The following NCKAP1 variants were observed in gnomAD, a reference collection of about 807,000 sequenced individuals.
NCKAP1 encodes the protein nck-associated protein 1.
A neutral mutation model predicts 151.2 loss-of-function variants in NCKAP1; 21 were observed. The observed-to-expected ratio is 0.14, with a 90% CI of 0.10 to 0.20. The LOEUF is 0.20. Among genes scored for constraint, NCKAP1 ranks in the 10% least tolerant of loss-of-function variants. NCKAP1 has a pLI of 1.00. For missense variants in NCKAP1, 933 were observed against 1,352.1 expected (o/e 0.69, Z 4.86); for synonymous variants, 484 against 451.8 (o/e 1.07, Z -0.90).
At chr2:183,028,671 A>G (rs942735738) in intron 1 of NCKAP1, among the ~76,000 whole-genome samples, 2 of 152,318 alleles carry the variant, frequency 1.3e-5, no homozygotes, top group African/African-American at 2.4e-5. Context: ...TAAAATATTT[A>G]AAAGATAAGA....
rs896959959 is a variant in NCKAP1 at position 182,916,813 on chromosome 2, A to G, written c.*8889T>C. The G allele has an allele frequency of 6.6e-6, 1 of 152,232 alleles. No homozygotes were observed. The highest frequency in any genetic ancestry group is 1.5e-5 in the Non-Finnish European group (1 of 68,048). 9.4% of individuals were successfully genotyped at this position (152,232 alleles called of 1,614,324 possible). On this transcript the variant is annotated 3_prime_UTR_variant, in exon 31 of 31. Coordinates refer to ENST00000361354, the MANE Select transcript of NCKAP1 (RefSeq NM_013436.5). ...ATAGTATAACATACATATAGTATAG[A>G]GCAGTCTTAAAATTAATTTTAGCAT...
chr2:182,982,235 C>T (rs541435452), intron 12 of NCKAP1, among the ~76,000 whole-genome samples: 23 of 152,170 alleles, frequency 1.5e-4, no homozygotes, highest in Non-Finnish European at 2.2e-4. Flanking sequence ...AAGCATACTA[C>T]GAGAAAATAA....
chr2:182,933,735 A>G (rs1048770383), intron 26 of NCKAP1, among the ~76,000 whole-genome samples: 5 of 151,992 alleles, frequency 3.3e-5, no homozygotes, highest in African/African-American at 1.2e-4. Flanking sequence ...CAATTTCAGA[A>G]GAGTCTTGGT....
At chr2:183,026,397 A>C (rs6434001) in intron 1 of NCKAP1, among the ~76,000 whole-genome samples, 49,657 of 151,660 alleles carry the variant, frequency 0.33, 11,398 homozygotes, top group African/African-American at 0.65. Flanking sequence ...ATCACTTGAG[A>C]TCAGGAATTC....
chr2:182,928,735 A>G, intron 28 of NCKAP1, 48 bp downstream of exon 28: 1 of 1,285,296 alleles, frequency 7.8e-7, no homozygotes, highest in Non-Finnish European at 1.1e-6. Flanking sequence ...ATAAAATACC[A>G]AAACCCATGA....
Position 182,921,974 on chromosome 2 carries a change from A to C in NCKAP1, c.*3728T>G, listed in dbSNP as rs1696556364. On this transcript the variant is annotated 3_prime_UTR_variant, in exon 31 of 31. Coordinates refer to ENST00000361354, the MANE Select transcript of NCKAP1 (RefSeq NM_013436.5). ...TAAAATCTCAAATATTTTTTCCCAA[A>C]GGCAGAGGTCATGGCAAATCTTCGG... 1 of 152,160 alleles carries C rather than the reference A, an allele frequency of 6.6e-6. No individual in the cohort carries two copies. The highest frequency in any genetic ancestry group is 6.5e-5 in the Admixed American group (1 of 15,288). 9.4% of individuals were successfully genotyped at this position (152,160 alleles called of 1,614,324 possible). A position where few individuals can be genotyped will look rare whatever the true frequency, so the allele number is the denominator to read the frequency against.
At chr2:182,976,532 G>A (rs1697827690) in intron 15 of NCKAP1, among the ~76,000 whole-genome samples, 1 of 152,118 alleles carries the variant, frequency 6.6e-6, no homozygotes, top group South Asian at 2.1e-4. Flanking sequence ...TTTAGCAGCT[G>A]TTTCTTTATT....
intron 10 of NCKAP1, among the ~76,000 whole-genome samples, chr2:182,985,925 A>C (rs1698048183): frequency 6.6e-6 from 1 of 152,198 alleles, no homozygotes; most frequent in African/African-American, 2.4e-5. Context: ...TACCCAAAGT[A>C]AGAGTCCTTT....
chr2:182,959,802 CTG>C (rs1697405405), intron 18 of NCKAP1, among the ~76,000 whole-genome samples: 1 of 152,316 alleles, frequency 6.6e-6, no homozygotes, highest in South Asian at 2.1e-4. Flanking sequence ...CAAATTGTCA[CTG>C]TTTGCAGGGG....
At chr2:183,000,730 A>T (rs1698360007) in intron 6 of NCKAP1, among the ~76,000 whole-genome samples, 1 of 152,218 alleles carries the variant, frequency 6.6e-6, no homozygotes, top group African/African-American at 2.4e-5. Context: ...ATCTGGAAAG[A>T]ATTCTTCAGA....
At chr2:182,973,441 C>G (rs943280458) in intron 15 of NCKAP1, among the ~76,000 whole-genome samples, 2 of 152,026 alleles carry the variant, frequency 1.3e-5, no homozygotes, top group Non-Finnish European at 2.9e-5. Context: ...AGAATGAGAT[C>G]ACTTAGGAAG....
intron 15 of NCKAP1, among the ~76,000 whole-genome samples, chr2:182,972,224 CAAAA>C (rs56834438): frequency 1.0e-4 from 7 of 67,700 alleles, no homozygotes; most frequent in Admixed American, 3.6e-4. Flanking sequence ...AGCTTAATAG[CAAAA>C]AAAAAAAAAA....
intron 16 of NCKAP1, among the ~76,000 whole-genome samples, chr2:182,965,223 T>C (rs993899391): frequency 6.6e-6 from 1 of 151,754 alleles, no homozygotes; most frequent in Non-Finnish European, 1.5e-5. Context: ...AAACCCTGTC[T>C]CTATTTTTAA....
rs982353505 is a variant in NCKAP1, at chr2:182,986,782, T to TA, written c.948-556dup. On this transcript the variant is annotated intron_variant, in intron 9 of 30. Coordinates refer to ENST00000361354, the MANE Select transcript of NCKAP1 (RefSeq NM_013436.5). The stretch of plus-strand genomic sequence containing the variant: ...TATGATTTTAAGCTATGTATTTTTT[T>TA]AAAAAAACTTATTTTTCAAATAAAA... Among the ~76,000 whole-genome samples the TA allele has an allele frequency of 8.5e-5, 13 of 152,232 alleles. No individual in the cohort carries two copies. The East Asian group carries it at 9.6e-4, about 11-fold the overall frequency.
intron 14 of NCKAP1, 93 bp downstream of exon 14, chr2:182,978,741 A>C (rs968582513): frequency 1.5e-6 from 1 of 671,294 alleles, no homozygotes; most frequent in Admixed American, 3.6e-5. Context: ...ATAATAGATC[A>C]TTAGCCAAAT....
intron 13 of NCKAP1, 75 bp downstream of exon 13, chr2:182,981,169 T>C: frequency 6.6e-7 from 1 of 1,514,836 alleles, no homozygotes; most frequent in East Asian, 2.3e-5. Flanking sequence ...TAAATGCTTG[T>C]TGAACAAACA....
intron 9 of NCKAP1, among the ~76,000 whole-genome samples, chr2:182,988,039 G>C (rs1376872809): frequency 6.6e-6 from 1 of 152,156 alleles, no homozygotes; most frequent in African/African-American, 2.4e-5. Context: ...TAAGATGTAT[G>C]TATTTTTCTG....
chr2:182,979,003 G>T, intron 13 of NCKAP1, 88 bp from the exon 14 acceptor site: 2 of 693,956 alleles, frequency 2.9e-6, no homozygotes, highest in East Asian at 2.8e-5. Flanking sequence ...TAAACAAACT[G>T]GTATACCCAT....
chr2:183,011,997 C>A (rs937470834), intron 2 of NCKAP1, among the ~76,000 whole-genome samples: 1 of 152,120 alleles, frequency 6.6e-6, no homozygotes, highest in Admixed American at 6.5e-5. Context: ...TGTGTATATA[C>A]GTGTACAGGG....
Sources: gnomAD v4.1 joint callset for allele counts (sites outside exome capture counted in the v4.1 genomes callset) on GRCh38, gnomAD v4.1.1 for gene constraint, MANE v1.5 for transcripts, NCBI Gene and HGNC (gene_info 2026-07-23, HGNC 2026-07-21) for gene names.